The following CELF2 variants were observed in gnomAD, a reference collection of about 807,000 sequenced individuals.
The protein encoded by CELF2 is CUG triplet repeat RNA-binding protein 2.
Under a neutral mutation model 62.6 loss-of-function variants are expected in CELF2, and 8 were observed. That is an observed-to-expected ratio of 0.13 (90% CI 0.07 to 0.23). The LOEUF is 0.23. Ranked by LOEUF, CELF2 falls within the 10% of genes least tolerant of loss-of-function variation. CELF2 has a pLI of 1.00. For synonymous variants in CELF2, 258 were observed against 250.0 expected, an observed-to-expected ratio of 1.03 and a Z score of -0.30; for missense variants, 333 against 671.0, an observed-to-expected ratio of 0.50 and a Z score of 5.56.
At chr10:11,051,460 A>G (rs1283351304) in intron 1 of CELF2, among the ~76,000 whole-genome samples, 1 of 152,232 alleles carries the variant, frequency 6.6e-6, no homozygotes, top group Non-Finnish European at 1.5e-5. Flanking sequence ...CGTCTGGCTT[A>G]CATAAACTGT....
the CELF2 span, among the ~76,000 whole-genome samples, chr10:10,470,760 C>T: frequency 1.3e-5 from 2 of 151,054 alleles, no homozygotes; most frequent in Non-Finnish European, 3.0e-5. Flanking sequence ...AAGTCCATGC[C>T]ACTAATCACA....
intron 1 of CELF2, among the ~76,000 whole-genome samples, chr10:11,136,345 G>A (rs1327697491): frequency 6.6e-6 from 1 of 152,220 alleles, no homozygotes; most frequent in Admixed American, 6.5e-5. Flanking sequence ...GCTCACACCT[G>A]TAATCCCAGC....
chr10:10,835,411 T>A lies in CELF2; in HGVS notation c.53+36594T>A, dbSNP rs536902329. Among the ~76,000 whole-genome samples the A allele has an allele frequency of 1.5e-4, 23 of 151,594 alleles. No individual in the cohort carries two copies. The South Asian group carries it at 4.8e-3, about 32-fold the overall frequency. ...TTTTTTTTTTTTTCTGATATGAAGT[T>A]TTGCTCTGTCACCCAGGCTGGAGTG... On this transcript the variant is annotated intron_variant, in intron 1 of 13. Transcript: ENST00000636488.
chr10:11,327,536 A>G (rs1313496270), intron 12 of CELF2, among the ~76,000 whole-genome samples: 3 of 152,182 alleles, frequency 2.0e-5, no homozygotes, highest in Non-Finnish European at 4.4e-5. Context: ...GCTGCCAGTC[A>G]TAAGGTAGTG....
At chr10:11,137,948 C>T (rs2060702935) in intron 1 of CELF2, among the ~76,000 whole-genome samples, 1 of 152,164 alleles carries the variant, frequency 6.6e-6, no homozygotes, top group South Asian at 2.1e-4. Flanking sequence ...GTATACCAAC[C>T]AGTGTTTGTT....
the CELF2 span, among the ~76,000 whole-genome samples, chr10:10,707,240 T>C: frequency 2.6e-5 from 4 of 152,326 alleles, no homozygotes; most frequent in South Asian, 8.3e-4. Context: ...GATTTTACAA[T>C]CACGCAGTTT....
rs1436593847 is a variant in CELF2 at position 10,990,966 on chromosome 10, T to TGA, written c.89+70968_89+70969insAG. 2.3e-4 allele frequency among the ~76,000 whole-genome samples: 35 copies of TGA among 150,420 alleles called. No homozygotes were observed. The highest frequency in any genetic ancestry group is 7.0e-3 in the Middle Eastern group (2 of 284). ...TTACAGCATCTTTTTGAGGTTCTTT[T>TGA]GCGTGTGTGTGTGTGTGTGTGTGCC... On this transcript the variant is annotated intron_variant, in intron 2 of 13. Coordinates refer to the CELF2 transcript ENST00000636488. This position sits in a 1 kb window ranked among gnomAD's most constrained non-coding sequence, Gnocchi z 4.6.
the CELF2 span, among the ~76,000 whole-genome samples, chr10:10,577,364 T>TTATTATTATTATTA: frequency 7.1e-6 from 1 of 141,404 alleles, no homozygotes; most frequent in Non-Finnish European, 1.5e-5. Context: ...AACAAATCTT[T>TTATTATTATTATTA]TTATTATTAT....
At chr10:10,671,625 T>C in the CELF2 span, among the ~76,000 whole-genome samples, 1 of 152,218 alleles carries the variant, frequency 6.6e-6, no homozygotes, top group Non-Finnish European at 1.5e-5. Context: ...ATTTTGGCCA[T>C]TCTAATAGGT....
rs569559727 is a variant in CELF2, at chr10:11,207,438, G to C, written c.272-9987G>C. Among the ~76,000 whole-genome samples the C allele has an allele frequency of 6.6e-6, 1 of 152,212 alleles. No homozygotes were observed. Among genetic ancestry groups the C allele is most frequent in the African/African-American group, 2.4e-5 (1 of 41,458 alleles). ...CTAGCGTGTCAAATGGAGAGTTGGA[G>C]GGAAGGTATGGGGTTGCCAGGGACC... On this transcript the variant is annotated intron_variant, in intron 2 of 12. Coordinates refer to ENST00000633077, the MANE Select transcript of CELF2 (RefSeq NM_001326342.2). The surrounding 1 kb of genome is among the most constrained non-coding windows in gnomAD (Gnocchi z 4.1).
chr10:10,616,679 TGTGTGTGTGTGC>T, the CELF2 span, among the ~76,000 whole-genome samples: 1 of 139,378 alleles, frequency 7.2e-6, no homozygotes, highest in African/African-American at 2.8e-5. Context: ...CAAATTCGTG[TGTGTGTGTGTGC>T]GTGTGTGTGT....
Position 11,319,984 on chromosome 10 carries a change from C to T in CELF2, c.1097-1205C>T. The T allele has an allele frequency of 2.5e-6, 1 of 392,700 alleles. No homozygotes were observed. 24.3% of individuals were successfully genotyped at this position (392,700 alleles called of 1,614,324 possible). On this transcript the variant is annotated intron_variant, in intron 10 of 12. Coordinates refer to ENST00000633077, the MANE Select transcript of CELF2 (RefSeq NM_001326342.2). This position sits in a 1 kb window ranked among gnomAD's most constrained non-coding sequence, Gnocchi z 4.4. ...CCTCCATTCTCATTAGACTTCTTAC[C>T]TATTTTTTCAGTTAGCCATCCTTGC...
chr10:10,947,206 C>T lies in CELF2; in HGVS notation c.89+27207C>T, dbSNP rs1414380348. On this transcript the variant is annotated intron_variant, in intron 2 of 13. Transcript: ENST00000636488. This position sits in a 1 kb window ranked among gnomAD's most constrained non-coding sequence, Gnocchi z 4.1. Reference sequence around the variant, plus strand: ...CGCTTTCAAACACAAAAGCTCAGCACACACTTACTCTAACCAGTCCTTCAC... The same window carrying T: ...CGCTTTCAAACACAAAAGCTCAGCATACACTTACTCTAACCAGTCCTTCAC... 6.6e-6 allele frequency: 1 copy of T among 152,248 alleles called. No homozygotes were observed. The highest frequency in any genetic ancestry group is 1.5e-5 in the Non-Finnish European group (1 of 68,040). 9.4% of individuals were successfully genotyped at this position (152,248 alleles called of 1,614,324 possible). A position where few individuals can be genotyped will look rare whatever the true frequency, so the allele number is the denominator to read the frequency against.
intron 2 of CELF2, among the ~76,000 whole-genome samples, chr10:11,199,355 T>C (rs2058704855): frequency 6.6e-6 from 1 of 152,178 alleles, no homozygotes; most frequent in Non-Finnish European, 1.5e-5. Flanking sequence ...AAACAAATCT[T>C]GAGCCCTCTA....
At chr10:11,140,952 G>A (rs921254074) in intron 1 of CELF2, among the ~76,000 whole-genome samples, 6 of 152,216 alleles carry the variant, frequency 3.9e-5, no homozygotes, top group African/African-American at 1.4e-4. Context: ...GGGGTGTTGA[G>A]GCTACAGTGA....
intron 5 of CELF2, among the ~76,000 whole-genome samples, chr10:11,261,037 A>G (rs1033345779): frequency 2.6e-5 from 4 of 152,238 alleles, no homozygotes; most frequent in African/African-American, 9.7e-5. Context: ...AAGTGAAACA[A>G]AAGCATGGCT....
chr10:10,792,767 C>T, the CELF2 span, among the ~76,000 whole-genome samples: 4 of 152,310 alleles, frequency 2.6e-5, no homozygotes. Context: ...AAAATCTCAT[C>T]TCCCATGGCA....
chr10:10,552,879 T>G, the CELF2 span, among the ~76,000 whole-genome samples: 2 of 152,214 alleles, frequency 1.3e-5, no homozygotes, highest in Non-Finnish European at 2.9e-5. Flanking sequence ...GATGGAATGC[T>G]GCGAGGGCAG....
chr10:10,630,416 C>T, the CELF2 span, among the ~76,000 whole-genome samples: 1 of 152,186 alleles, frequency 6.6e-6, no homozygotes, highest in Admixed American at 6.5e-5. Context: ...TCCTTACACC[C>T]ACCATCTGGA....
Sources: gnomAD v4.1 joint callset for allele counts (sites outside exome capture counted in the v4.1 genomes callset) on GRCh38, gnomAD v4.1.1 for gene constraint, Gnocchi (gnomAD v3.1) non-coding constraint, MANE v1.5 for transcripts, NCBI Gene and HGNC (gene_info 2026-07-23, HGNC 2026-07-21) for gene names.